The following SLC7A1 variants were observed in gnomAD, a reference collection of about 807,000 sequenced individuals.
SLC7A1 encodes the protein solute carrier family 7 member 1.
Under a neutral mutation model 53.9 loss-of-function variants are expected in SLC7A1, and 10 were observed. That is an observed-to-expected ratio of 0.19 (90% CI 0.11 to 0.31). The LOEUF (loss-of-function observed/expected upper bound fraction) is 0.31. Ranked by LOEUF, SLC7A1 falls within the 10% of genes least tolerant of loss-of-function variation. The probability of loss-of-function intolerance (pLI) is 1.00; values close to 1 mark genes in which losing one functional copy is unlikely to be tolerated. For missense variants in SLC7A1, 525 were observed against 827.2 expected (o/e 0.63, Z 4.48); for synonymous variants, 342 against 338.7 (o/e 1.01, Z -0.11).
chr13:29,561,478 G>A (rs188272463), intron 1 of SLC7A1, among the ~76,000 whole-genome samples: 2 of 152,194 alleles, frequency 1.3e-5, no homozygotes, highest in South Asian at 2.1e-4. Flanking sequence ...CTCCCGAGGG[G>A]ATATGTCGGG....
intron 2 of SLC7A1, among the ~76,000 whole-genome samples, chr13:29,544,654 C>T (rs1018589678): frequency 6.6e-6 from 1 of 152,126 alleles, no homozygotes; most frequent in African/African-American, 2.4e-5. Flanking sequence ...TCCCAAGGAA[C>T]GTCCCCAAGG....
intron 2 of SLC7A1, among the ~76,000 whole-genome samples, chr13:29,542,043 T>C (rs1317902198): frequency 6.6e-6 from 1 of 152,224 alleles, no homozygotes; most frequent in African/African-American, 2.4e-5. Flanking sequence ...ATTTTATTTT[T>C]ATCATAAAAA....
intron 1 of SLC7A1, among the ~76,000 whole-genome samples, chr13:29,586,475 A>G (rs1361347167): frequency 6.6e-6 from 1 of 152,242 alleles, no homozygotes; most frequent in Admixed American, 6.5e-5. Context: ...GAACATGGGA[A>G]ATTGCACCCA....
chr13:29,559,299 A>T (rs868426305), intron 1 of SLC7A1, among the ~76,000 whole-genome samples: 3 of 2,088 alleles, frequency 1.4e-3, no homozygotes, highest in Non-Finnish European at 2.7e-3. Context: ...TGAGGGGGAG[A>T]GAATGTGAGT....
At chr13:29,580,033 C>T (rs1251934247) in intron 1 of SLC7A1, among the ~76,000 whole-genome samples, 2 of 152,176 alleles carry the variant, frequency 1.3e-5, no homozygotes. Flanking sequence ...TTGGCGGATC[C>T]ATAATCATGG....
At chr13:29,527,459 G>T (rs201167379) in intron 5 of SLC7A1, among the ~76,000 whole-genome samples, 1 of 109,806 alleles carries the variant, frequency 9.1e-6, no homozygotes, top group Middle Eastern at 3.7e-3. Flanking sequence ...AAACCAAAAC[G>T]TAGAGATATT....
chr13:29,517,429 A>G, intron 10 of SLC7A1, 119 bp from the exon 11 acceptor site: 1 of 1,232,174 alleles, frequency 8.1e-7, no homozygotes, highest in Non-Finnish European at 1.2e-6. Context: ...AGGCACAACT[A>G]CAGTTAACAC....
Position 29,512,072 on chromosome 13 carries a change from T to C in SLC7A1, c.*2408A>G, listed in dbSNP as rs1352134667. 6.6e-6 allele frequency: 1 copy of C among 152,200 alleles called. No individual in the cohort carries two copies. Among genetic ancestry groups the C allele is most frequent in the Non-Finnish European group, 1.5e-5 (1 of 68,038 alleles). The allele number at this position is 152,200 out of a possible 1,614,324, so 9.4% of individuals were successfully genotyped here. ...TAAGGCTTACTCCAGACACCATTGC[T>C]TAAATCACTCCCCTCTCACACAGAG... On this transcript the variant is annotated 3_prime_UTR_variant, in exon 13 of 13. Transcript: ENST00000380752.
chr13:29,583,528 C>T (rs1327489101), intron 1 of SLC7A1, among the ~76,000 whole-genome samples: 1 of 152,204 alleles, frequency 6.6e-6, no homozygotes, highest in Non-Finnish European at 1.5e-5. Context: ...GGTGACTCAG[C>T]AAGACCTCCC....
chr13:29,530,336 T>C (rs781419188), intron 5 of SLC7A1, among the ~76,000 whole-genome samples: 3 of 152,186 alleles, frequency 2.0e-5, no homozygotes, highest in Non-Finnish European at 4.4e-5. Flanking sequence ...AGTCTTTCCA[T>C]TTCAGGGGAA....
At chr13:29,557,758 G>A (rs535250158) in intron 1 of SLC7A1, among the ~76,000 whole-genome samples, 1 of 110,096 alleles carries the variant, frequency 9.1e-6, no homozygotes, top group African/African-American at 3.8e-5. Context: ...ATGTGAGGGA[G>A]GAGTGAATAT....
At chr13:29,584,119 CT>C (rs71192612) in intron 1 of SLC7A1, among the ~76,000 whole-genome samples, 29 of 147,094 alleles carry the variant, frequency 2.0e-4, no homozygotes, top group African/African-American at 2.8e-4. Flanking sequence ...CTTTTTTTTT[CT>C]TTTTTTTTTT....
chr13:29,530,510 A>G (rs1869097697), intron 5 of SLC7A1, 28 bp downstream of exon 5: 1 of 1,608,546 alleles, frequency 6.2e-7, no homozygotes, highest in African/African-American at 1.3e-5. Context: ...ATGTCAACTA[A>G]GAAAAATGGT....
At chr13:29,560,477 A>AATT (rs1870703470) in intron 1 of SLC7A1, among the ~76,000 whole-genome samples, 1 of 150,212 alleles carries the variant, frequency 6.7e-6, no homozygotes, top group Admixed American at 6.7e-5. Flanking sequence ...TACATTAATT[A>AATT]ATTATATTAC....
intron 1 of SLC7A1, among the ~76,000 whole-genome samples, chr13:29,582,794 C>T (rs1466014506): frequency 6.6e-6 from 1 of 152,188 alleles, no homozygotes; most frequent in Admixed American, 6.5e-5. Flanking sequence ...ATATGAAAGG[C>T]ACTATTACAT....
At chr13:29,526,380 G>A (rs900702646) in intron 5 of SLC7A1, among the ~76,000 whole-genome samples, 41 of 152,176 alleles carry the variant, frequency 2.7e-4, no homozygotes, top group Non-Finnish European at 5.6e-4. Context: ...ACTGAGGCAA[G>A]AGGATTGCTC....
intron 1 of SLC7A1, among the ~76,000 whole-genome samples, chr13:29,560,300 T>C (rs1870696298): frequency 6.6e-6 from 1 of 152,092 alleles, no homozygotes; most frequent in Non-Finnish European, 1.5e-5. Context: ...GGAGCTGTGA[T>C]CTCCTGTGAT....
At chr13:29,515,967 A>G (rs554205890) in intron 12 of SLC7A1, among the ~76,000 whole-genome samples, 171 bp downstream of exon 12, 33 of 152,386 alleles carry the variant, frequency 2.2e-4, no homozygotes, top group African/African-American at 7.2e-4. Flanking sequence ...GAAGCAATGG[A>G]AACAAAAAGT....
Position 29,561,454 on chromosome 13 carries a change from A to G in SLC7A1, c.-114-7594T>C, listed in dbSNP as rs182832570. Among the ~76,000 whole-genome samples the G allele has an allele frequency of 3.6e-4, 55 of 152,330 alleles. 2 individuals are homozygous for G. In the East Asian group the frequency reaches 9.1e-3, roughly 25 times the overall value. On this transcript the variant is annotated intron_variant, in intron 1 of 12. Transcript: ENST00000380752. ...CTTTGGGATGGCCAGATTCCTGTGG[A>G]ACAGCCCAGGCAGCTCCCGAGGGGA...
Sources: gnomAD v4.1 joint callset for allele counts (sites outside exome capture counted in the v4.1 genomes callset) on GRCh38, gnomAD v4.1.1 for gene constraint, MANE v1.5 for transcripts, NCBI Gene and HGNC (gene_info 2026-07-23, HGNC 2026-07-21) for gene names.